COPG2: variants seen among roughly 807,000 people sequenced by gnomAD.
COPG2 encodes the protein coat protein complex I subunit gamma 2, also known as coatomer subunit gamma-2.
Under a neutral mutation model 46.3 loss-of-function variants are expected in COPG2, and 37 were observed. The observed-to-expected ratio is 0.80, with a 90% CI of 0.61 to 1.05. The LOEUF (loss-of-function observed/expected upper bound fraction) is 1.05, where lower values mean the gene tolerates loss of function less well. Among genes scored for constraint, COPG2 ranks in the 50% least tolerant of loss-of-function variants. COPG2 has a pLI of 0.00. For synonymous variants in COPG2, 159 were observed against 129.7 expected (o/e 1.23, Z -1.53); for missense variants, 427 against 387.8 (o/e 1.10, Z -0.85).
At chr7:130,606,359 G>A (rs1794731523) in intron 9 of COPG2, among the ~76,000 whole-genome samples, 2 of 151,530 alleles carry the variant, frequency 1.3e-5, no homozygotes, top group Non-Finnish European at 2.9e-5. Flanking sequence ...GAAGGAAGGA[G>A]AAAGAAAGAT....
chr7:130,657,431 C>G (rs1795878826), intron 4 of COPG2, among the ~76,000 whole-genome samples: 1 of 151,702 alleles, frequency 6.6e-6, no homozygotes, highest in East Asian at 1.9e-4. Flanking sequence ...CTACAAACAC[C>G]CAGAAAAAAA....
intron 9 of COPG2, among the ~76,000 whole-genome samples, chr7:130,582,662 AC>A (rs1794176502): frequency 6.7e-6 from 1 of 149,618 alleles, no homozygotes; most frequent in Non-Finnish European, 1.5e-5. Flanking sequence ...AAAAAAACAA[AC>A]AACCCCATCA....
chr7:130,646,210 G>C (rs1421497598), intron 5 of COPG2, among the ~76,000 whole-genome samples: 1 of 152,152 alleles, frequency 6.6e-6, no homozygotes, highest in Non-Finnish European at 1.5e-5. Context: ...AACCAAATGA[G>C]GTGTCCATAC....
chr7:130,663,968 T>A (rs573108853), intron 3 of COPG2, among the ~76,000 whole-genome samples: 2 of 152,168 alleles, frequency 1.3e-5, no homozygotes, highest in South Asian at 4.1e-4. Flanking sequence ...CTTGAACTCC[T>A]GACCTCGTGA....
At chr7:130,631,467 T>C (rs868944178) in intron 5 of COPG2, among the ~76,000 whole-genome samples, 1 of 152,170 alleles carries the variant, frequency 6.6e-6, no homozygotes, top group East Asian at 1.9e-4. Context: ...CTGAATTTTG[T>C]TCCCTTTTCT....
At chr7:130,619,077 T>C (rs893984518) in intron 5 of COPG2, among the ~76,000 whole-genome samples, 1 of 152,210 alleles carries the variant, frequency 6.6e-6, no homozygotes, top group Non-Finnish European at 1.5e-5. Context: ...GTTAATTCTA[T>C]GAATTTGTTT....
rs782267873 is a variant in COPG2 at position 130,652,952 on chromosome 7, A to G, written c.244-4T>C. The G allele has an allele frequency of 6.3e-7, 1 of 1,582,758 alleles. No homozygotes were observed. The highest frequency in any genetic ancestry group is 8.6e-7 in the Non-Finnish European group (1 of 1,158,154). The stretch of plus-strand genomic sequence containing the variant: ...AGCACATTCTCCTCAATGTTTGCTG[A>G]AAAATCATTTATAAAAGGTAACAGA... On this transcript the variant is annotated splice_region_variant and splice_polypyrimidine_tract_variant and intron_variant, in intron 4 of 23. Coordinates refer to ENST00000425248, the MANE Select transcript of COPG2 (RefSeq NM_012133.6).
At chr7:130,592,646 C>T (rs990665886) in intron 9 of COPG2, among the ~76,000 whole-genome samples, 5 of 152,042 alleles carry the variant, frequency 3.3e-5, no homozygotes, top group African/African-American at 1.2e-4. Flanking sequence ...GCAAACACGC[C>T]AGACTTTTCA....
At chr7:130,577,318 G>A (rs1428345018) in intron 9 of COPG2, among the ~76,000 whole-genome samples, 4 of 152,238 alleles carry the variant, frequency 2.6e-5, no homozygotes, top group South Asian at 2.1e-4. Context: ...TGCACGCACC[G>A]TGCGCAAGCC....
chr7:130,523,460 T>C (rs1169301990), intron 20 of COPG2, among the ~76,000 whole-genome samples: 11 of 152,074 alleles, frequency 7.2e-5, no homozygotes, highest in South Asian at 4.2e-4. Context: ...CTGGTGGATG[T>C]GGGAGGATGG....
intron 20 of COPG2, among the ~76,000 whole-genome samples, chr7:130,516,452 G>T (rs1799678830): frequency 6.6e-5 from 10 of 152,162 alleles, no homozygotes. Context: ...TTCTGAGAGG[G>T]ACATTAAGGA....
intron 8 of COPG2, among the ~76,000 whole-genome samples, chr7:130,611,930 A>T (rs1034061157): frequency 5.3e-5 from 8 of 152,220 alleles, no homozygotes; most frequent in Non-Finnish European, 1.0e-4. Flanking sequence ...TCTTTCCCAA[A>T]TATTCCTACA....
Position 130,506,451 on chromosome 7 carries a change from C to G in COPG2, c.*225G>C, listed in dbSNP as rs1195107035. 1 of 293,922 alleles carries G rather than the reference C, an allele frequency of 3.4e-6. No individual in the cohort carries two copies. Among genetic ancestry groups the G allele is most frequent in the Non-Finnish European group, 6.3e-6 (1 of 159,290 alleles). The allele number at this position is 293,922 out of a possible 1,614,324, so 18.2% of individuals were successfully genotyped here. ...ATTTTCAAGATCACCCAAAGCTGCACTATCGTCCCAAAGCTGACCAAGTAG... is the reference window on the plus strand; with the variant it reads ...ATTTTCAAGATCACCCAAAGCTGCAGTATCGTCCCAAAGCTGACCAAGTAG... On this transcript the variant is annotated 3_prime_UTR_variant, in exon 24 of 24. Transcript: ENST00000425248.
At chr7:130,521,695 C>T (rs1799725359) in intron 20 of COPG2, among the ~76,000 whole-genome samples, 1 of 152,130 alleles carries the variant, frequency 6.6e-6, no homozygotes, top group Admixed American at 6.5e-5. Context: ...ATAAAAAGAG[C>T]ACTGCATGGA....
At chr7:130,569,617 A>G in intron 9 of COPG2, among the ~76,000 whole-genome samples, 1 of 152,266 alleles carries the variant, frequency 6.6e-6, no homozygotes, top group East Asian at 1.9e-4. Context: ...CAGCTGAATT[A>G]TATCAGACAT....
intron 9 of COPG2, among the ~76,000 whole-genome samples, chr7:130,593,399 T>G (rs1554449291): frequency 5.3e-5 from 8 of 152,290 alleles, no homozygotes; most frequent in Admixed American, 5.2e-4. Flanking sequence ...GAAGGGAAGG[T>G]TAAGTAATCC....
chr7:130,663,087 T>C, intron 3 of COPG2, 49 bp from the exon 4 acceptor site: 1 of 1,037,042 alleles, frequency 9.6e-7, no homozygotes, highest in East Asian at 2.6e-5. Flanking sequence ...TGTATATTCA[T>C]ATATATGTAC....
chr7:130,625,499 G>C (rs944403735), intron 5 of COPG2, among the ~76,000 whole-genome samples: 1 of 150,822 alleles, frequency 6.6e-6, no homozygotes, highest in African/African-American at 2.4e-5. Context: ...TGCCTCTAGT[G>C]TTTCCCCATT....
At chr7:130,603,948 A>G in intron 9 of COPG2, 1 of 457,204 alleles carries the variant, frequency 2.2e-6, no homozygotes, top group Non-Finnish European at 4.4e-6. Flanking sequence ...GTTATATGTA[A>G]TATATATTGT....
Sources: allele counts gnomAD v4.1 joint callset (sites outside exome capture counted in the v4.1 genomes callset), GRCh38; gene constraint gnomAD v4.1.1; transcripts MANE v1.5; gene names NCBI Gene and HGNC (gene_info 2026-07-23, HGNC 2026-07-21).